Variants in CHN1 observed in about 807,000 individuals in gnomAD.
The protein encoded by CHN1 is N-chimaerin.
A neutral mutation model predicts 59.5 loss-of-function variants in CHN1; 37 were observed. The ratio of observed to expected loss-of-function variants is 0.62; its 90% CI spans 0.48 to 0.82. The LOEUF (loss-of-function observed/expected upper bound fraction) is 0.82. Among genes scored for constraint, CHN1 ranks in the 40% least tolerant of loss-of-function variants. The pLI is 0.00. For synonymous variants in CHN1, 206 were observed against 200.4 expected (o/e 1.03, Z -0.24); for missense variants, 469 against 571.0 (o/e 0.82, Z 1.82).
chr2:174,961,184 A>AGAGGGAAGG (rs964368063), intron 1 of CHN1, among the ~76,000 whole-genome samples: 5 of 59,182 alleles, frequency 8.4e-5, no homozygotes, highest in East Asian at 5.7e-4. Flanking sequence ...TGGAAGGAAC[A>AGAGGGAAGG]GAGGGAAGGG....
At chr2:174,919,875 A>G (rs1412610106) in intron 3 of CHN1, among the ~76,000 whole-genome samples, 3 of 152,140 alleles carry the variant, frequency 2.0e-5, no homozygotes, top group Non-Finnish European at 2.9e-5. Flanking sequence ...TCTTTTGAAC[A>G]TATTCCTCCA....
intron 11 of CHN1, 31 bp from the exon 12 acceptor site, chr2:174,801,843 A>G (rs960101095): frequency 1.8e-5 from 26 of 1,457,302 alleles, no homozygotes; most frequent in Non-Finnish European, 2.2e-5. Context: ...CCAAGAAGAA[A>G]AGAAATAACA....
At chr2:174,958,358 C>T (rs907217717) in intron 1 of CHN1, among the ~76,000 whole-genome samples, 6 of 152,170 alleles carry the variant, frequency 3.9e-5, no homozygotes, top group African/African-American at 1.4e-4. Flanking sequence ...CTGTTGAGTC[C>T]TTCTAGTGAA....
intron 6 of CHN1, among the ~76,000 whole-genome samples, chr2:174,869,732 T>A (rs1011206522): frequency 1.3e-5 from 2 of 152,202 alleles, no homozygotes; most frequent in African/African-American, 2.4e-5. Flanking sequence ...AGTTTCCACA[T>A]TATAAATAAA....
chr2:174,941,226 C>T (rs570807074), intron 3 of CHN1, among the ~76,000 whole-genome samples: 181 of 152,180 alleles, frequency 1.2e-3, no homozygotes, highest in Admixed American at 1.8e-3. Flanking sequence ...CAATATGTTC[C>T]AGGACTTCTT....
At chr2:174,846,401 C>T (rs748509641) in intron 7 of CHN1, 2 of 1,545,822 alleles carry the variant, frequency 1.3e-6, no homozygotes, top group South Asian at 2.4e-5. Context: ...CTCCTTTCAT[C>T]ATGGTCAATT....
intron 3 of CHN1, 31 bp downstream of exon 3, chr2:174,944,857 C>T (rs1192871906): frequency 6.5e-7 from 1 of 1,537,892 alleles, no homozygotes. Context: ...GGTTGAGAGA[C>T]ATTTTTTGGT....
rs1684631769 is a variant in CHN1 at position 174,799,037 on chromosome 2, A to G, written c.*1079T>C. ...CTCTGGGGCTCATCTCTCAGGCAGC[A>G]TTGTCAGCTCAATGCATGTTGATGT... On this transcript the variant is annotated 3_prime_UTR_variant, in exon 13 of 13. Transcript: ENST00000409900. Among the ~76,000 whole-genome samples the G allele has an allele frequency of 1.3e-5, 2 of 152,208 alleles. No individual in the cohort carries two copies. Among genetic ancestry groups the G allele is most frequent in the South Asian group, 4.1e-4 (2 of 4,824 alleles).
intron 3 of CHN1, among the ~76,000 whole-genome samples, chr2:174,925,254 G>T (rs1366744552): frequency 6.6e-6 from 1 of 152,110 alleles, no homozygotes; most frequent in Non-Finnish European, 1.5e-5. Context: ...CAACTGACCA[G>T]CATTAACATT....
chr2:174,957,311 C>T (rs764803378), intron 1 of CHN1, among the ~76,000 whole-genome samples: 3 of 152,002 alleles, frequency 2.0e-5, no homozygotes, highest in Non-Finnish European at 4.4e-5. Context: ...TTGTTTACAG[C>T]GTGAGAGCTG....
At chr2:174,849,199 A>ATAGT (rs1354055296) in intron 6 of CHN1, among the ~76,000 whole-genome samples, 1 of 152,228 alleles carries the variant, frequency 6.6e-6, no homozygotes, top group African/African-American at 2.4e-5. Flanking sequence ...TTCTACAGCT[A>ATAGT]TAGTTACTAA....
intron 1 of CHN1, among the ~76,000 whole-genome samples, chr2:174,982,516 A>T (rs6433513): frequency 0.33 from 50,635 of 151,982 alleles, 8,805 homozygotes; most frequent in African/African-American, 0.39. Flanking sequence ...GGTATCTCAT[A>T]GTGGTTTTGA....
At chr2:174,821,543 T>C (rs962785713) in intron 8 of CHN1, among the ~76,000 whole-genome samples, 1 of 152,210 alleles carries the variant, frequency 6.6e-6, no homozygotes, top group Admixed American at 6.5e-5. Flanking sequence ...CTTTCAGAGA[T>C]GATTAGCTTA....
At chr2:174,840,380 G>A (rs930295701) in intron 7 of CHN1, among the ~76,000 whole-genome samples, 12 of 151,946 alleles carry the variant, frequency 7.9e-5, no homozygotes, top group East Asian at 3.9e-4. Flanking sequence ...TGCCCAGGCT[G>A]GTCTTAAACT....
At chr2:174,831,021 CTG>C (rs1029490103) in intron 7 of CHN1, among the ~76,000 whole-genome samples, 14 of 152,134 alleles carry the variant, frequency 9.2e-5, no homozygotes, top group African/African-American at 3.4e-4. Context: ...GTAACTTTAA[CTG>C]TGAGCAATAA....
At chr2:174,916,984 G>C (rs1688865087) in intron 4 of CHN1, among the ~76,000 whole-genome samples, 1 of 152,200 alleles carries the variant, frequency 6.6e-6, no homozygotes, top group South Asian at 2.1e-4. Flanking sequence ...CTGAGGTCAG[G>C]AGTTAGAGAC....
At chr2:174,990,986 ATAT>A (rs1691529062) in intron 1 of CHN1, among the ~76,000 whole-genome samples, 1 of 152,258 alleles carries the variant, frequency 6.6e-6, no homozygotes, top group Non-Finnish European at 1.5e-5. Flanking sequence ...TCAGAATTAA[ATAT>A]TATAATAAGC....
chr2:174,896,487 A>G (rs929252626), intron 5 of CHN1, among the ~76,000 whole-genome samples: 4 of 152,166 alleles, frequency 2.6e-5, no homozygotes, highest in African/African-American at 7.2e-5. Context: ...TGGGATAGAG[A>G]GGACAGTTTA....
Position 174,800,101 on chromosome 2 carries a change from C to A in CHN1, c.*15G>T. ...TTCATCTGTAAAACATTTCTTTTCC[C>A]CTCAAATTAAAAATTTAAAATAAAA... On this transcript the variant is annotated 3_prime_UTR_variant, in exon 13 of 13. Coordinates refer to ENST00000409900, the MANE Select transcript of CHN1 (RefSeq NM_001822.7). 1 of 1,533,976 alleles carries A rather than the reference C, an allele frequency of 6.5e-7. No individual in the cohort carries two copies. The highest frequency in any genetic ancestry group is 8.8e-7 in the Non-Finnish European group (1 of 1,141,336).
Sources: allele counts gnomAD v4.1 joint callset (sites outside exome capture counted in the v4.1 genomes callset), GRCh38; gene constraint gnomAD v4.1.1; transcripts MANE v1.5; gene names NCBI Gene and HGNC (gene_info 2026-07-23, HGNC 2026-07-21).